Variants in CHLSN observed in about 807,000 individuals in gnomAD.
CHLSN encodes the protein cholesin.
chr7:1,074,219 G>T, the CHLSN span, among the ~76,000 whole-genome samples: 2 of 16,810 alleles, frequency 1.2e-4, no homozygotes, highest in African/African-American at 2.8e-4. Flanking sequence ...CCCCGACCCC[G>T]CACCCCGCCG....
At chr7:1,016,038 G>GT in the CHLSN span, among the ~76,000 whole-genome samples, 1,042 of 103,446 alleles carry the variant, frequency 0.01, 5 homozygotes, top group Admixed American at 0.015. Flanking sequence ...TCCCCCTCCG[G>GT]TGTCACGCCA....
At chr7:1,054,758 G>A in the CHLSN span, among the ~76,000 whole-genome samples, 4 of 152,178 alleles carry the variant, frequency 2.6e-5, no homozygotes, top group African/African-American at 9.7e-5. Flanking sequence ...GTGTGGGGCC[G>A]GCTCAGCTTT....
chr7:1,089,623 A>G, the CHLSN span, among the ~76,000 whole-genome samples: 1 of 150,292 alleles, frequency 6.7e-6, no homozygotes, highest in Admixed American at 6.6e-5. Context: ...GGGTTTCGCC[A>G]TGTTACCCAG....
chr7:1,016,990 CAGCGCACAGGA>C, the CHLSN span, among the ~76,000 whole-genome samples: 1 of 141,034 alleles, frequency 7.1e-6, no homozygotes, highest in Admixed American at 6.9e-5. Context: ...CAGCGCACAG[CAGCGCACAGGA>C]GCACACAGCA....
chr7:1,099,133 G>A, the CHLSN span, among the ~76,000 whole-genome samples: 30 of 137,274 alleles, frequency 2.2e-4, no homozygotes, highest in East Asian at 2.0e-4. Flanking sequence ...TCCTGCAGCC[G>A]GCCTCCCCTT....
At chr7:1,071,146 C>T in the CHLSN span, among the ~76,000 whole-genome samples, 1 of 152,366 alleles carries the variant, frequency 6.6e-6, no homozygotes, top group East Asian at 1.9e-4. Context: ...AGAGGCCCCG[C>T]ACGCGGCTGT....
chr7:981,957 C>T, the CHLSN span, among the ~76,000 whole-genome samples: 1 of 152,070 alleles, frequency 6.6e-6, no homozygotes, highest in South Asian at 2.1e-4. Flanking sequence ...GGCTTGAGCC[C>T]CGGAGGTGGA....
chr7:1,091,824 C>T, the CHLSN span: 4 of 1,600,948 alleles, frequency 2.5e-6, 1 homozygote, highest in East Asian at 4.5e-5. Context: ...CCGAGCTCAA[C>T]CTGTCCCACC....
At chr7:1,126,596 G>A in the CHLSN span, among the ~76,000 whole-genome samples, 3 of 151,854 alleles carry the variant, frequency 2.0e-5, no homozygotes, top group Non-Finnish European at 4.4e-5. Context: ...CAGGAAAATC[G>A]CTGGAACCCA....
chr7:1,090,334 C>T, the CHLSN span, among the ~76,000 whole-genome samples: 4 of 152,238 alleles, frequency 2.6e-5, no homozygotes, highest in African/African-American at 4.8e-5. Context: ...CTGAGACCCC[C>T]GTGGCCCGCT....
At chr7:1,092,650 A>G in the CHLSN span, 6 of 1,612,574 alleles carry the variant, frequency 3.7e-6, no homozygotes, top group Admixed American at 1.7e-5. Context: ...CACGGGCCAC[A>G]TTGTCAACCT....
the CHLSN span, chr7:1,058,146 TC>T: frequency 5.4e-6 from 4 of 741,792 alleles, no homozygotes; most frequent in Non-Finnish European, 9.9e-6. Flanking sequence ...GGTGCTACTC[TC>T]CCGCGTCCGC....
the CHLSN span, chr7:986,947 T>G: frequency 7.5e-7 from 1 of 1,325,224 alleles, no homozygotes; most frequent in Non-Finnish European, 1.0e-6. Context: ...TCTCCTTGTC[T>G]GTGAAACGGG....
At chr7:1,089,595 C>CT in the CHLSN span, among the ~76,000 whole-genome samples, 24 of 151,520 alleles carry the variant, frequency 1.6e-4, no homozygotes, top group African/African-American at 5.1e-4. Context: ...CTTTTTTTGT[C>CT]TTTTTTTAGT....
the CHLSN span, chr7:1,028,897 C>T: frequency 1.4e-5 from 11 of 797,464 alleles, no homozygotes; most frequent in Non-Finnish European, 1.7e-5. Flanking sequence ...AGTCTGACTC[C>T]ATGTCCCCCC....
chr7:984,709 C>A, the CHLSN span: 4 of 1,328,880 alleles, frequency 3.0e-6, no homozygotes, highest in South Asian at 2.8e-5. Context: ...GGCCTCCGGG[C>A]TGGTGCTGAG....
the CHLSN span, among the ~76,000 whole-genome samples, chr7:1,008,377 C>G: frequency 2.5e-4 from 38 of 152,230 alleles, no homozygotes; most frequent in Non-Finnish European, 5.3e-4. Flanking sequence ...AGGCAGCAGC[C>G]TCACACCACA....
At chr7:1,028,074 G>A in the CHLSN span, among the ~76,000 whole-genome samples, 1 of 151,874 alleles carries the variant, frequency 6.6e-6, no homozygotes, top group Admixed American at 6.6e-5. Flanking sequence ...GCGCGCAGCG[G>A]AGCCCCGAGA....
chr7:1,002,131 C>T, the CHLSN span, among the ~76,000 whole-genome samples: 69 of 76,194 alleles, frequency 9.1e-4, no homozygotes, highest in African/African-American at 1.1e-3. Flanking sequence ...GTGAGTGGAG[C>T]CCTGTGGGTG....
Sources: allele counts gnomAD v4.1 joint callset (sites outside exome capture counted in the v4.1 genomes callset), GRCh38; gene constraint gnomAD v4.1.1; transcripts MANE v1.5; gene names NCBI Gene and HGNC (gene_info 2026-07-23, HGNC 2026-07-21).